The following TET3 variants were observed in gnomAD, a reference collection of about 807,000 sequenced individuals.
TET3 encodes tet methylcytosine dioxygenase 3, also known as methylcytosine dioxygenase TET3.
TET3 carries 19 observed loss-of-function variants against 141.4 expected under a neutral mutation model. The ratio of observed to expected loss-of-function variants is 0.13; its 90% CI spans 0.09 to 0.20. The LOEUF (loss-of-function observed/expected upper bound fraction) is 0.20. TET3 is among the 10% of genes least tolerant of loss of function. The pLI is 1.00. For synonymous variants in TET3, 1,043 were observed against 980.9 expected, an observed-to-expected ratio of 1.06 and a Z score of -1.18; for missense variants, 1,874 against 2,356.9, an observed-to-expected ratio of 0.80 and a Z score of 4.24.
chr2:74,120,467 G>C, the TET3 span, among the ~76,000 whole-genome samples: 85,543 of 152,210 alleles, frequency 0.56, 26,557 homozygotes, highest in East Asian at 0.86. Flanking sequence ...CGTGTGCCTG[G>C]GCCGCTGGAG....
At chr2:74,076,496 G>A (rs1435334034) in intron 5 of TET3, among the ~76,000 whole-genome samples, 1 of 60,116 alleles carries the variant, frequency 1.7e-5, no homozygotes, top group African/African-American at 5.7e-5. Context: ...TTTTGTTTTT[G>A]ACATGATCCT....
chr2:74,058,150 A>T (rs1340159503), intron 4 of TET3, among the ~76,000 whole-genome samples: 3 of 152,260 alleles, frequency 2.0e-5, no homozygotes, highest in Non-Finnish European at 4.4e-5. Context: ...AGAAGCTACA[A>T]AAAGCAGAAT....
chr2:74,111,209 G>A (rs752075059), downstream of TET3, among the ~76,000 whole-genome samples: 6 of 152,128 alleles, frequency 3.9e-5, no homozygotes, highest in South Asian at 6.2e-4. Context: ...CAAAAGAATC[G>A]ACTCAGTCTT....
At position 74,046,207 on chromosome 2, in the gene TET3, T is replaced by C. The variant is rs1687608412; in HGVS notation, c.361-71T>C. The stretch of plus-strand genomic sequence containing the variant: ...GGGTCAGATGTGCACCTGAGTGGTA[T>C]GAAGCAGGGAAATGCTTTTCAAATA... On this transcript the variant is annotated intron_variant, in intron 3 of 11. Transcript: ENST00000409262. This position sits in a 1 kb window ranked among gnomAD's most constrained non-coding sequence, Gnocchi z 4.3. 5 of 1,387,868 alleles carry C rather than the reference T, an allele frequency of 3.6e-6. No individual in the cohort carries two copies. Among genetic ancestry groups the C allele is most frequent in the Non-Finnish European group, 4.7e-6 (5 of 1,053,408 alleles). 86.0% of individuals were successfully genotyped at this position (1,387,868 alleles called of 1,614,324 possible).
intron 2 of TET3, among the ~76,000 whole-genome samples, chr2:73,999,296 C>T (rs1305232185): frequency 6.6e-6 from 1 of 152,292 alleles, no homozygotes; most frequent in East Asian, 1.9e-4. Flanking sequence ...TGACCTTGGG[C>T]AAGATACTTA....
chr2:74,088,570 G>A (rs556040743), intron 7 of TET3, among the ~76,000 whole-genome samples: 5 of 152,242 alleles, frequency 3.3e-5, no homozygotes, highest in African/African-American at 7.2e-5. Context: ...GAACTCGGGC[G>A]GCGGAAGTTG....
the TET3 span, chr2:74,134,414 G>A: frequency 1.1e-5 from 3 of 277,064 alleles, no homozygotes; most frequent in Non-Finnish European, 2.2e-5. Flanking sequence ...TTACAAAACG[G>A]GGGCACAATG....
At chr2:74,038,694 G>A in intron 3 of TET3, among the ~76,000 whole-genome samples, 1 of 152,204 alleles carries the variant, frequency 6.6e-6, no homozygotes, top group Non-Finnish European at 1.5e-5. Context: ...CCCTAGGGAG[G>A]AAGCAGTGAC....
Position 74,061,961 on chromosome 2 carries a change from C to T in TET3, c.2495-11588C>T, listed in dbSNP as rs537503180. ...ACTGGGCAGCCAGGCAGAGGGGCTCCTCACGTCCCAGACAATGGGCGACCA... is the reference window on the plus strand; with the variant it reads ...ACTGGGCAGCCAGGCAGAGGGGCTCTTCACGTCCCAGACAATGGGCGACCA... On this transcript the variant is annotated intron_variant, in intron 4 of 11. Transcript: ENST00000409262. Among the ~76,000 whole-genome samples the T allele has an allele frequency of 3.9e-3, 594 of 151,126 alleles. 2 individuals carry two copies. The highest frequency in any genetic ancestry group is 0.014 in the African/African-American group (570 of 41,054).
chr2:74,017,185 A>G (rs1314013310), intron 3 of TET3, among the ~76,000 whole-genome samples: 1 of 152,154 alleles, frequency 6.6e-6, no homozygotes. Flanking sequence ...GCTACTTGGG[A>G]GGCTGACATG....
At chr2:74,049,543 T>C (rs556147580) in intron 4 of TET3, among the ~76,000 whole-genome samples, 92 of 152,288 alleles carry the variant, frequency 6.0e-4, no homozygotes, top group Non-Finnish European at 6.3e-4. Flanking sequence ...GTAAAAGATA[T>C]GTGTGTTTCA....
chr2:74,012,200 A>G (rs1334207254), intron 3 of TET3, among the ~76,000 whole-genome samples: 1 of 152,006 alleles, frequency 6.6e-6, no homozygotes, highest in Non-Finnish European at 1.5e-5. Flanking sequence ...AGCTCAAGGG[A>G]TCCCACCCCT....
intron 2 of TET3, among the ~76,000 whole-genome samples, chr2:73,989,299 T>C (rs2105071989): frequency 6.6e-6 from 1 of 152,292 alleles, no homozygotes; most frequent in Admixed American, 6.5e-5. Flanking sequence ...TAGGATCCTC[T>C]CGGACATCAG....
At chr2:74,030,921 G>A (rs544703434) in intron 3 of TET3, among the ~76,000 whole-genome samples, 3 of 152,306 alleles carry the variant, frequency 2.0e-5, no homozygotes, top group Admixed American at 2.0e-4. Context: ...GGGATGGAAG[G>A]GTTTAGCCAG....
chr2:73,989,651 T>A lies in TET3; in HGVS notation c.303+2945T>A, dbSNP rs545083211. Among the ~76,000 whole-genome samples the A allele has an allele frequency of 6.3e-5, 8 of 127,498 alleles. 1 individual carries two copies. The highest frequency in any genetic ancestry group is 3.5e-4 in the African/African-American group (8 of 23,168). The allele number at this position is 127,498 out of a possible 152,430, so 83.6% of individuals were successfully genotyped here. A position where few individuals can be genotyped will look rare whatever the true frequency, so the allele number is the denominator to read the frequency against. On this transcript the variant is annotated intron_variant, in intron 2 of 11. Transcript: ENST00000409262. The stretch of plus-strand genomic sequence containing the variant: ...CCTGCCCTAGGAGGCGGTGACTACT[T>A]CTCTGGGTCCTAATGTGAGGTTGGG...
chr2:74,016,958 A>G (rs528076813), intron 3 of TET3, among the ~76,000 whole-genome samples: 2 of 152,224 alleles, frequency 1.3e-5, no homozygotes, highest in Non-Finnish European at 2.9e-5. Context: ...GTGTGTGTTG[A>G]AAACATTCAA....
intron 6 of TET3, 79 bp downstream of exon 6, chr2:74,080,670 C>T: frequency 7.9e-7 from 1 of 1,272,322 alleles, no homozygotes; most frequent in Non-Finnish European, 1.1e-6. Flanking sequence ...CCTGGTTCCC[C>T]TTGCTGCATG....
intron 10 of TET3, among the ~76,000 whole-genome samples, chr2:74,096,674 A>G (rs1690849143): frequency 6.6e-6 from 1 of 152,056 alleles, no homozygotes; most frequent in Admixed American, 6.6e-5. Flanking sequence ...AGGCTGAGGC[A>G]GGAGAATCGC....
At chr2:74,005,699 A>G (rs1417845158) in intron 3 of TET3, among the ~76,000 whole-genome samples, 1 of 152,146 alleles carries the variant, frequency 6.6e-6, no homozygotes. Flanking sequence ...GCCAGTGGGA[A>G]TAGACACATA....
Sources: gnomAD v4.1 joint callset for allele counts (sites outside exome capture counted in the v4.1 genomes callset) on GRCh38, gnomAD v4.1.1 for gene constraint, Gnocchi (gnomAD v3.1) non-coding constraint, MANE v1.5 for transcripts, NCBI Gene and HGNC (gene_info 2026-07-23, HGNC 2026-07-21) for gene names.